The following CUBN variants were observed in gnomAD, a reference collection of about 807,000 sequenced individuals.
The protein encoded by CUBN is cubilin.
CUBN carries 282 observed loss-of-function variants against 405.3 expected under a neutral mutation model. The observed-to-expected ratio is 0.70, with a 90% CI of 0.63 to 0.77. The LOEUF (loss-of-function observed/expected upper bound fraction) is 0.77. Among genes scored for constraint, CUBN ranks in the 30% least tolerant of loss-of-function variants. CUBN has a pLI of 0.00. For missense variants in CUBN, 4,514 were observed against 4,475.2 expected (o/e 1.01, Z -0.25); for synonymous variants, 1,684 against 1,617.0 (o/e 1.04, Z -0.99).
chr10:17,061,238 T>C (rs1039017746), intron 22 of CUBN, among the ~76,000 whole-genome samples: 2 of 152,180 alleles, frequency 1.3e-5, no homozygotes, highest in Non-Finnish European at 2.9e-5. Context: ...TCCACTATTG[T>C]ATCTCCCTTG....
chr10:17,103,048 T>C lies in CUBN; in HGVS notation c.1530+77A>G, dbSNP rs571933450. 17 of 839,038 alleles carry C rather than the reference T, an allele frequency of 2.0e-5. No homozygotes were observed. In the East Asian group the frequency reaches 4.3e-4, roughly 21 times the overall value. 52.0% of individuals were successfully genotyped at this position (839,038 alleles called of 1,614,324 possible). On this transcript the variant is annotated intron_variant, in intron 13 of 66. Coordinates refer to ENST00000377833, the MANE Select transcript of CUBN (RefSeq NM_001081.4). ...TTGAATTATCATTGCATGTATTTTATGTAATAAAATATACACATACTCCAT... is the reference window on the plus strand; with the variant it reads ...TTGAATTATCATTGCATGTATTTTACGTAATAAAATATACACATACTCCAT...
In CUBN at chr10:16,888,425, T is replaced by C. The variant is rs1840884335; in HGVS notation, c.8897A>G (p.His2966Arg). The change falls in exon 56 of 67, where the codon CAC becomes CGC. Residue 2966 changes from histidine to arginine, a missense_variant. Transcript: ENST00000377833. ...TAAAAGAATAAACTTACCTTCTAAG[T>C]GGAAGGACACAAAAGTCAAGAGGAC... ...SVVLLTFVSF[H>R]LEARSAVTGS... 2 of 1,612,828 alleles carry C rather than the reference T, an allele frequency of 1.2e-6. No individual in the cohort carries two copies. The highest frequency in any genetic ancestry group is 1.7e-5 in the Admixed American group (1 of 59,996).
intron 14 of CUBN, among the ~76,000 whole-genome samples, chr10:17,094,366 T>C (rs892818423): frequency 6.4e-4 from 97 of 152,092 alleles, no homozygotes; most frequent in African/African-American, 2.3e-3. Flanking sequence ...AAACAAAAGC[T>C]GAGGGAATCT....
rs530407744 is a variant in CUBN, at chr10:17,102,987, G to C, written c.1530+138C>G. The C allele has an allele frequency of 5.3e-4, 355 of 675,060 alleles. 4 individuals are homozygous for C. The South Asian group carries it at 5.4e-3, about 10-fold the overall frequency. The allele number at this position is 675,060 out of a possible 1,614,324, so 41.8% of individuals were successfully genotyped here. On this transcript the variant is annotated intron_variant, in intron 13 of 66. Transcript: ENST00000377833. ...AGGTATATGTCTAGCCAAAATAATG[G>C]CACTCCGTACTTAGTAAGCACTCAA...
chr10:16,933,441 T>C (rs551305746), intron 39 of CUBN, among the ~76,000 whole-genome samples, 157 bp from the exon 40 acceptor site: 2 of 152,322 alleles, frequency 1.3e-5, no homozygotes, highest in Admixed American at 6.5e-5. Flanking sequence ...AACCCACTGA[T>C]TCGGAAAGCT....
At position 17,122,884 on chromosome 10, in the gene CUBN, T is replaced by C. The variant is rs375352760; in HGVS notation, c.504A>G (p.Ser168=). The part of the protein sequence containing the change: ...CPPQWKGPLC[S]ADVNECEIYS... ...AAATCTCACATTCGTTAACATCAGCTGAGCAGAGAGGACCCTGTGATCATA... is the reference window on the plus strand; with the variant it reads ...AAATCTCACATTCGTTAACATCAGCCGAGCAGAGAGGACCCTGTGATCATA... Residue 168 remains serine, a synonymous_variant, in exon 6 of 67, where the codon TCA becomes TCG. Transcript: ENST00000377833. The C allele has an allele frequency of 6.2e-7, 1 of 1,613,790 alleles. No homozygotes were observed. Among genetic ancestry groups the C allele is most frequent in the African/African-American group, 1.3e-5 (1 of 75,024 alleles).
chr10:17,111,136 T>A, intron 8 of CUBN, 86 bp from the exon 9 acceptor site: 1 of 1,433,684 alleles, frequency 7.0e-7, no homozygotes, highest in Non-Finnish European at 9.8e-7. Context: ...ATAAAAACCT[T>A]CTCCACCTAA....
chr10:16,879,459 G>C (rs1840607293), intron 56 of CUBN, among the ~76,000 whole-genome samples: 1 of 152,166 alleles, frequency 6.6e-6, no homozygotes. Context: ...ATGCCCCATT[G>C]GGAATGACCC....
At chr10:17,010,893 T>C (rs902671437) in intron 28 of CUBN, among the ~76,000 whole-genome samples, 3 of 152,218 alleles carry the variant, frequency 2.0e-5, no homozygotes, top group African/African-American at 7.2e-5. Flanking sequence ...ATAATAGGGC[T>C]ATTCAGTTAT....
intron 59 of CUBN, among the ~76,000 whole-genome samples, chr10:16,866,736 G>A (rs1420931471): frequency 6.6e-6 from 1 of 152,152 alleles, no homozygotes; most frequent in Non-Finnish European, 1.5e-5. Context: ...AGCACAGGGG[G>A]GAGACAAGCA....
intron 60 of CUBN, 24 bp from the exon 61 acceptor site, chr10:16,841,071 C>T (rs2131320828): frequency 1.2e-6 from 2 of 1,612,236 alleles, no homozygotes; most frequent in South Asian, 2.2e-5. Flanking sequence ...CAATTCATTA[C>T]TTCTCCATTA....
chr10:17,076,259 A>G (rs1268621994), intron 17 of CUBN, among the ~76,000 whole-genome samples: 1 of 152,182 alleles, frequency 6.6e-6, no homozygotes, highest in Non-Finnish European at 1.5e-5. Flanking sequence ...AGAAGGTGCA[A>G]TTGATTTTGG....
intron 16 of CUBN, 82 bp from the exon 17 acceptor site, chr10:17,084,543 T>G: frequency 9.5e-7 from 1 of 1,056,656 alleles, no homozygotes; most frequent in Non-Finnish European, 1.4e-6. Context: ...TCTAAAAATT[T>G]ACCCACACAC....
At chr10:17,065,677 G>A (rs1564500914) in intron 21 of CUBN, 39 bp from the exon 22 acceptor site, 1 of 1,611,358 alleles carries the variant, frequency 6.2e-7, no homozygotes, top group East Asian at 2.2e-5. Flanking sequence ...GTGTATTTTA[G>A]TTTGGTATAC....
intron 28 of CUBN, among the ~76,000 whole-genome samples, chr10:17,016,959 T>C (rs1330158017): frequency 1.3e-5 from 2 of 152,186 alleles, no homozygotes; most frequent in African/African-American, 4.8e-5. Context: ...TTGTAATTTA[T>C]ACTTCCCTCA....
At chr10:17,114,725 A>C (rs1464530498) in intron 7 of CUBN, among the ~76,000 whole-genome samples, 2 of 152,208 alleles carry the variant, frequency 1.3e-5, no homozygotes, top group African/African-American at 4.8e-5. Context: ...GTCAGGAGTC[A>C]AAGTCATCAG....
At chr10:17,085,497 C>T in intron 16 of CUBN, 100 bp downstream of exon 16, 3 of 1,196,420 alleles carry the variant, frequency 2.5e-6, no homozygotes, top group Non-Finnish European at 1.2e-6. Context: ...TGGTCTAAGA[C>T]AGTCAGTCAT....
At chr10:16,955,374 CAAAAAAAAAAAAA>C (rs59365817) in intron 31 of CUBN, among the ~76,000 whole-genome samples, 27 of 68,854 alleles carry the variant, frequency 3.9e-4, no homozygotes, top group Admixed American at 8.8e-4. Context: ...GATTCTGTCT[CAAAAAAAAAAAAA>C]AAAAAAAAAA....
rs181387097 is a variant in CUBN, at chr10:17,045,212, A to G, written c.3491-24T>C. ...ACCTACAGGAGAAAGAAGTGGAATG[A>G]CACACACCCCTTTCCTTCTGGGGAA... On this transcript the variant is annotated intron_variant, in intron 24 of 66. Coordinates refer to ENST00000377833, the MANE Select transcript of CUBN (RefSeq NM_001081.4). The G allele has an allele frequency of 2.3e-4, 364 of 1,610,098 alleles. No homozygotes were observed. The highest frequency in any genetic ancestry group is 2.6e-4 in the Non-Finnish European group (305 of 1,177,272).
Sources: allele counts gnomAD v4.1 joint callset (sites outside exome capture counted in the v4.1 genomes callset), GRCh38; gene constraint gnomAD v4.1.1; transcripts MANE v1.5; gene names NCBI Gene and HGNC (gene_info 2026-07-23, HGNC 2026-07-21).